Variants in PLCE1 observed in about 807,000 individuals in gnomAD.
The protein encoded by PLCE1 is phospholipase C epsilon 1.
In PLCE1, 119 loss-of-function variants were observed where a neutral mutation model predicts 242.8. That is an observed-to-expected ratio of 0.49 (90% confidence interval 0.42 to 0.57). PLCE1 has a LOEUF of 0.57. PLCE1 is among the 20% of genes least tolerant of loss of function. The pLI is 0.00. For missense variants in PLCE1, 2,441 were observed against 2,788.8 expected, an observed-to-expected ratio of 0.88 and a Z score of 2.81; for synonymous variants, 945 against 1,017.4, an observed-to-expected ratio of 0.93 and a Z score of 1.35.
intron 23 of PLCE1, among the ~76,000 whole-genome samples, chr10:94,297,590 T>TAAAAAAAAAAAAAAAAAAAAAAAAAAAAA (rs71031568): frequency 7.1e-5 from 4 of 56,582 alleles, no homozygotes; most frequent in South Asian, 1.0e-3. Flanking sequence ...TTTAAATTTG[T>TAAAAAAAAAAAAAAAAAAAAAAAAAAAAA]AAAAAAAAAA....
intron 28 of PLCE1, among the ~76,000 whole-genome samples, chr10:94,313,769 A>G (rs1263498391): frequency 6.6e-6 from 1 of 152,144 alleles, no homozygotes; most frequent in African/African-American, 2.4e-5. Context: ...AATCAATCAG[A>G]ATTTGCACAT....
At position 94,272,362 on chromosome 10, in the gene PLCE1, C is replaced by T. The variant is rs11187836; in HGVS notation, c.4507-1200C>T. ...ACGTCTGTTTATAGGCTCTCTGCAA[C>T]AAGAAAAATATGGCTCTTTTTGCCT... is the stretch of plus-strand genomic sequence containing the variant. On this transcript the variant is annotated intron_variant, in intron 18 of 32. Coordinates refer to ENST00000371380, the MANE Select transcript of PLCE1 (RefSeq NM_016341.4). Among the ~76,000 whole-genome samples the T allele has an allele frequency of 4.9e-3, 745 of 152,310 alleles. 49 individuals carry two copies. The East Asian group carries it at 0.13, about 26-fold the overall frequency.
chr10:94,209,186 A>G (rs2049257059), intron 4 of PLCE1, among the ~76,000 whole-genome samples: 1 of 152,204 alleles, frequency 6.6e-6, no homozygotes, highest in African/African-American at 2.4e-5. Flanking sequence ...TTAAAATACT[A>G]AAACATGTCC....
chr10:94,125,218 CAACA>C (rs1045522654), intron 2 of PLCE1, among the ~76,000 whole-genome samples: 22 of 152,118 alleles, frequency 1.4e-4, no homozygotes, highest in African/African-American at 5.1e-4. Flanking sequence ...AAGGAACAGA[CAACA>C]AACAACAAAC....
intron 2 of PLCE1, among the ~76,000 whole-genome samples, chr10:94,086,266 T>A (rs2044822844): frequency 6.6e-6 from 1 of 152,180 alleles, no homozygotes; most frequent in South Asian, 2.1e-4. Flanking sequence ...CTGATTTGGG[T>A]CACACAGTAA....
At position 94,201,613 on chromosome 10, in the gene PLCE1, C is replaced by T. The variant is rs2689703; in HGVS notation, c.1810-25693C>T. Among the ~76,000 whole-genome samples the T allele has an allele frequency of 7.0e-3, 1,071 of 152,252 alleles. 10 individuals are homozygous for T. Among genetic ancestry groups the T allele is most frequent in the Non-Finnish European group, 0.012 (831 of 68,020 alleles). ...GCCTCAGCCTCCTGAGTAGCTGGGA[C>T]CACAGGCGCCTGCCACCAAGCCCGG... is the stretch of plus-strand genomic sequence containing the variant. On this transcript the variant is annotated intron_variant, in intron 4 of 32. Coordinates refer to ENST00000371380, the MANE Select transcript of PLCE1 (RefSeq NM_016341.4).
chr10:93,995,388 C>A (rs2060801050), intron 1 of PLCE1, among the ~76,000 whole-genome samples: 1 of 152,168 alleles, frequency 6.6e-6, no homozygotes, highest in Non-Finnish European at 1.5e-5. Context: ...TGAGGCTTTT[C>A]CTGAAACAGC....
intron 4 of PLCE1, among the ~76,000 whole-genome samples, chr10:94,224,598 C>T (rs564812567): frequency 1.3e-5 from 2 of 152,302 alleles, no homozygotes; most frequent in African/African-American, 4.8e-5. Context: ...TTCAGGATCT[C>T]ATTTTTATTT....
chr10:94,139,112 A>T (rs535611335), intron 3 of PLCE1: 5 of 152,488 alleles, frequency 3.3e-5, no homozygotes, highest in African/African-American at 1.2e-4. Context: ...GTGAAACCAC[A>T]TCTCTACTAA....
Position 94,132,383 on chromosome 10 carries a change from A to G in PLCE1, c.1416A>G (p.Glu472=). Residue 472 remains glutamate (E), a synonymous_variant, in exon 3 of 33, where the codon GAA becomes GAG. Transcript: ENST00000371380. ...AGTACATCACCGGTTCTCTCCTAGAAGCAACCACGTCTTTGGGAGCAAGAA... is the reference window on the plus strand; with the variant it reads ...AGTACATCACCGGTTCTCTCCTAGAGGCAACCACGTCTTTGGGAGCAAGAA... The part of the protein sequence containing the change: ...ISQYITGSLL[E]ATTSLGARSG... 2 of 1,614,154 alleles carry G rather than the reference A, an allele frequency of 1.2e-6. No homozygotes were observed. Among genetic ancestry groups the G allele is most frequent in the Non-Finnish European group, 1.7e-6 (2 of 1,179,992 alleles).
At chr10:94,148,273 A>G (rs2047174902) in intron 3 of PLCE1, among the ~76,000 whole-genome samples, 1 of 152,160 alleles carries the variant, frequency 6.6e-6, no homozygotes, top group African/African-American at 2.4e-5. Flanking sequence ...GATGCAGGAT[A>G]TGTCTCAGGA....
chr10:94,128,917 A>G (rs1334120247), intron 2 of PLCE1, among the ~76,000 whole-genome samples: 1 of 152,234 alleles, frequency 6.6e-6, no homozygotes, highest in Non-Finnish European at 1.5e-5. Context: ...CCATGTAGGA[A>G]TGCTCAGTGT....
At chr10:94,315,767 C>T (rs1433817961) in intron 28 of PLCE1, among the ~76,000 whole-genome samples, 5 of 39,540 alleles carry the variant, frequency 1.3e-4, no homozygotes, top group Non-Finnish European at 1.7e-4. Flanking sequence ...GAGACTCTGT[C>T]TCAAAAAAAA....
chr10:94,270,908 G>T (rs1449984796), intron 18 of PLCE1, among the ~76,000 whole-genome samples: 1 of 152,150 alleles, frequency 6.6e-6, no homozygotes. Context: ...GGCTTCAAGT[G>T]ATCCACCCAT....
intron 3 of PLCE1, among the ~76,000 whole-genome samples, chr10:94,154,895 C>CATATATATAT (rs56833534): frequency 6.9e-6 from 1 of 144,658 alleles, no homozygotes; most frequent in Admixed American, 7.0e-5. Context: ...TATATATATA[C>CATATATATAT]ATATATATAT....
intron 8 of PLCE1, among the ~76,000 whole-genome samples, chr10:94,251,064 T>G (rs1269908660): frequency 6.6e-6 from 1 of 152,066 alleles, no homozygotes; most frequent in East Asian, 1.9e-4. Context: ...CATGTGCCAA[T>G]CATTGGTCAA....
chr10:94,035,871 T>C (rs2061654057), intron 2 of PLCE1, among the ~76,000 whole-genome samples: 1 of 152,176 alleles, frequency 6.6e-6, no homozygotes, highest in Non-Finnish European at 1.5e-5. Context: ...ATGCTCCTTT[T>C]CCTGTGTTTT....
Position 94,324,941 on chromosome 10 carries a change from A to C in PLCE1, c.6770A>C (p.Lys2257Thr). 6.2e-7 allele frequency: 1 copy of C among 1,614,214 alleles called. No homozygotes were observed. ...KKGISFASEL[K>T]KLTKSTKQPR... ...GGCATTTCTTTCGCAAGTGAACTCA[A>C]GAAGCTCACCAAGTCAACTAAACAG... is the stretch of plus-strand genomic sequence containing the variant. The change falls in exon 32 of 33, where the codon AAG (lysine) becomes ACG (threonine). Residue 2257 changes from lysine (K) to threonine (T), a missense_variant. Around this residue, in one of 5 missense-constraint regions of PLCE1, gnomAD observed 310 missense variants for 317.2 expected, o/e 0.98. Transcript: ENST00000371380.
chr10:94,099,250 C>T (rs2045429159), intron 2 of PLCE1, among the ~76,000 whole-genome samples: 1 of 152,190 alleles, frequency 6.6e-6, no homozygotes, highest in Non-Finnish European at 1.5e-5. Flanking sequence ...ATATGAAAAG[C>T]AGGCATCATG....
Sources: gnomAD v4.1 joint callset for allele counts (sites outside exome capture counted in the v4.1 genomes callset) on GRCh38, gnomAD v4.1.1 for gene constraint, gnomAD v4.1.1 regional missense constraint, MANE v1.5 for transcripts, NCBI Gene and HGNC (gene_info 2026-07-23, HGNC 2026-07-21) for gene names.